The following PCLO variants were observed in gnomAD, a reference collection of about 807,000 sequenced individuals.
PCLO encodes piccolo presynaptic cytomatrix protein.
Under a neutral mutation model 427.5 loss-of-function variants are expected in PCLO, and 82 were observed. The observed-to-expected ratio is 0.19, with a 90% CI of 0.16 to 0.23. PCLO has a LOEUF of 0.23. PCLO is among the 10% of genes least tolerant of loss of function. The pLI, the probability that PCLO is intolerant of heterozygous loss-of-function variation, is 1.00. For synonymous variants in PCLO, 2,357 were observed against 2,155.4 expected, an observed-to-expected ratio of 1.09 and a Z score of -2.59; for missense variants, 6,239 against 6,115.9, an observed-to-expected ratio of 1.02 and a Z score of -0.67.
chr7:83,071,573 CT>C (rs1789816499), intron 3 of PCLO, among the ~76,000 whole-genome samples: 4 of 152,148 alleles, frequency 2.6e-5, no homozygotes, highest in Admixed American at 2.6e-4. Flanking sequence ...CTCACCCTCT[CT>C]TTCTCTGTCA....
intron 20 of PCLO, among the ~76,000 whole-genome samples, chr7:82,813,764 A>C (rs1253137104): frequency 6.6e-6 from 1 of 151,828 alleles, no homozygotes; most frequent in Non-Finnish European, 1.5e-5. Context: ...AGTAATTCAG[A>C]TCATATTTTT....
At chr7:83,012,139 A>C (rs1788094538) in intron 3 of PCLO, among the ~76,000 whole-genome samples, 1 of 152,156 alleles carries the variant, frequency 6.6e-6, no homozygotes, top group South Asian at 2.1e-4. Flanking sequence ...AATCAGATAC[A>C]GGAAAAACCA....
intron 3 of PCLO, among the ~76,000 whole-genome samples, chr7:82,989,113 T>C (rs933219562): frequency 6.6e-6 from 1 of 152,080 alleles, no homozygotes; most frequent in Non-Finnish European, 1.5e-5. Context: ...CATGAGCCAC[T>C]GCGCTTGGCC....
Position 82,950,585 on chromosome 7 carries a change from C to G in PCLO, c.10003G>C (p.Ala3335Pro), listed in dbSNP as rs1363797051. The G allele has an allele frequency of 1.2e-6, 2 of 1,613,848 alleles. No homozygotes were observed. Among genetic ancestry groups the G allele is most frequent in the Non-Finnish European group, 1.7e-6 (2 of 1,179,844 alleles). The part of the protein sequence containing the change: ...TASPQTTTEQ[A>P]ILEGQYAALE... ...GCAGCATACTGACCTTCCAAAATTG[C>G]CTGCTCTGTAGTGGTTTGTGGAGAA... is the stretch of plus-strand genomic sequence containing the variant. Residue 3335 changes from alanine (A) to proline (P), a missense_variant, in exon 6 of 25, where the codon GCA (alanine) becomes CCA (proline). Around this residue, in one of 5 missense-constraint regions of PCLO, gnomAD observed 4,677 missense variants for 4,468.4 expected, o/e 1.05. Transcript: ENST00000333891.
chr7:83,134,727 C>T lies in PCLO; in HGVS notation c.2823G>A (p.Gln941=), dbSNP rs372813487. 1,038 of 1,613,760 alleles carry T rather than the reference C, an allele frequency of 6.4e-4. 1 individual carries two copies. Among genetic ancestry groups the T allele is most frequent in the Non-Finnish European group, 8.6e-4 (1,010 of 1,179,870 alleles). Residue 941 remains glutamine, a synonymous_variant, in exon 3 of 25, where the codon CAG becomes CAA. Transcript: ENST00000333891. ...LFGFGASIFS[Q]ASNLISTAGQ... ...CTGCAGTGGAAATTAAATTTGATGC[C>T]TGGCTGAAGATTGATGCTCCAAACC...
At chr7:83,071,503 C>T (rs931284537) in intron 3 of PCLO, among the ~76,000 whole-genome samples, 3 of 152,128 alleles carry the variant, frequency 2.0e-5, no homozygotes, top group African/African-American at 7.2e-5. Flanking sequence ...AGTAATAAAA[C>T]ATTGCCACAT....
chr7:82,835,117 TG>T (rs1286157564), intron 16 of PCLO, among the ~76,000 whole-genome samples: 1 of 152,008 alleles, frequency 6.6e-6, no homozygotes, highest in East Asian at 1.9e-4. Flanking sequence ...GCTAAGTTTT[TG>T]TGTTTTTAGT....
chr7:82,944,688 A>G (rs1250972940), intron 6 of PCLO, among the ~76,000 whole-genome samples: 1 of 152,178 alleles, frequency 6.6e-6, no homozygotes, highest in Non-Finnish European at 1.5e-5. Context: ...GGAACTTTTG[A>G]GAATTATTTC....
chr7:83,028,967 T>C (rs1438764659), intron 3 of PCLO, among the ~76,000 whole-genome samples: 1 of 152,006 alleles, frequency 6.6e-6, no homozygotes, highest in Non-Finnish European at 1.5e-5. Flanking sequence ...TCAAGATGGA[T>C]TAAAGACTTA....
chr7:82,764,715 A>C (rs895864594), intron 22 of PCLO, among the ~76,000 whole-genome samples: 1 of 151,932 alleles, frequency 6.6e-6, no homozygotes, highest in Non-Finnish European at 1.5e-5. Flanking sequence ...ACACTGTATG[A>C]AACTAGAAAT....
intron 3 of PCLO, among the ~76,000 whole-genome samples, chr7:83,021,686 T>C (rs774805834): frequency 1.3e-5 from 2 of 152,158 alleles, no homozygotes; most frequent in Non-Finnish European, 1.5e-5. Context: ...CCAACATCTA[T>C]TAAAACAAGG....
intron 3 of PCLO, among the ~76,000 whole-genome samples, chr7:83,084,058 T>A (rs1221505274): frequency 6.6e-6 from 1 of 152,140 alleles, no homozygotes. Context: ...GTGGGAATAA[T>A]GAAGAGGATC....
intron 1 of PCLO, 105 bp downstream of exon 1, chr7:83,162,240 G>A: frequency 1.5e-6 from 2 of 1,320,190 alleles, no homozygotes; most frequent in East Asian, 2.5e-5. Flanking sequence ...TAAAATGAAC[G>A]GAGGCGACAT....
At position 83,075,222 on chromosome 7, in the gene PCLO, C is replaced by T. The variant is rs556705365; in HGVS notation, c.3300+59028G>A. ...ACCAAGTATAAGTGCTAAGTAGTAT[C>T]GAGACATTTTATGGAATAGAAGACA... On this transcript the variant is annotated intron_variant, in intron 3 of 24. Coordinates refer to ENST00000333891, the MANE Select transcript of PCLO (RefSeq NM_033026.6). 3.9e-5 allele frequency among the ~76,000 whole-genome samples: 6 copies of T among 152,092 alleles called. No individual in the cohort carries two copies. In the East Asian group the frequency reaches 7.7e-4, roughly 20 times the overall value.
intron 23 of PCLO, 140 bp downstream of exon 23, chr7:82,761,219 A>G: frequency 1.8e-6 from 1 of 553,628 alleles, no homozygotes. Flanking sequence ...AAAGAAAACA[A>G]CTTGTTACAT....
In PCLO at chr7:82,824,237, C is replaced by G. The variant is rs1791872843; in HGVS notation, c.14595G>C (p.Lys4865Asn). The G allele has an allele frequency of 6.3e-7, 1 of 1,599,484 alleles. No individual in the cohort carries two copies. Among genetic ancestry groups the G allele is most frequent in the Non-Finnish European group, 8.5e-7 (1 of 1,173,788 alleles). Residue 4865 changes from lysine (K) to asparagine (N), a missense_variant and splice_region_variant, in exon 19 of 25, where the codon AAG becomes AAC. Physicochemically the swap from Lys to Asn is moderately conservative, Grantham distance 94 (BLOSUM62 0). Coordinates refer to ENST00000333891, the MANE Select transcript of PCLO (RefSeq NM_033026.6). ...RSHGIFPDPS[K>N]DMQVPTIEKS... is the part of the protein sequence containing the mutation. ...TCTACTTAAAAAAATATTTCCTACC[C>G]TTTGATGGGTCAGGGAAGATACCAT...
Position 82,915,444 on chromosome 7 carries a change from G to A in PCLO, c.12542C>T (p.Ala4181Val). 2 of 1,613,630 alleles carry A rather than the reference G, an allele frequency of 1.2e-6. No homozygotes were observed. The highest frequency in any genetic ancestry group is 1.7e-6 in the Non-Finnish European group (2 of 1,179,734). Residue 4181 changes from alanine to valine, a missense_variant, in exon 7 of 25, where the codon GCA becomes GTA. This residue lies in a region of PCLO where 680 missense variants were observed against 677.3 expected (regional missense o/e 1.00). Transcript: ENST00000333891. Reference protein sequence around the residue: ...LEKQAAKQLPAAILYQKQSKH... With the variant: ...LEKQAAKQLPVAILYQKQSKH... ...TGACTGCTTTTGATAAAGTATGGCT[G>A]CTGGCAGTTGTTTTGCTGCTTGTTT...
chr7:83,062,341 AAT>A (rs1209887504), intron 3 of PCLO, among the ~76,000 whole-genome samples: 1 of 152,174 alleles, frequency 6.6e-6, no homozygotes. Flanking sequence ...TATAACAGTC[AAT>A]GTTTCTCTAG....
intron 15 of PCLO, among the ~76,000 whole-genome samples, chr7:82,836,331 C>T (rs1217541145): frequency 1.3e-5 from 2 of 152,166 alleles, no homozygotes; most frequent in East Asian, 3.9e-4. Context: ...CCCCTTGTAT[C>T]ATAATATTGT....
Sources: gnomAD v4.1 joint callset for allele counts (sites outside exome capture counted in the v4.1 genomes callset) on GRCh38, gnomAD v4.1.1 for gene constraint, gnomAD v4.1.1 regional missense constraint, MANE v1.5 for transcripts, NCBI Gene and HGNC (gene_info 2026-07-23, HGNC 2026-07-21) for gene names.